The following TTC28 variants were observed in gnomAD, a reference collection of about 807,000 sequenced individuals.
TTC28 encodes the protein tetratricopeptide repeat protein 28.
Under a neutral mutation model 198.0 loss-of-function variants are expected in TTC28, and 61 were observed. That is an observed-to-expected ratio of 0.31 (90% CI 0.25 to 0.38). The LOEUF is 0.38. TTC28 is among the 10% of genes least tolerant of loss of function. The pLI, the probability that TTC28 is intolerant of heterozygous loss-of-function variation, is 1.00. For missense variants in TTC28, 2,678 were observed against 3,164.0 expected, an observed-to-expected ratio of 0.85 and a Z score of 3.69; for synonymous variants, 1,171 against 1,297.8, an observed-to-expected ratio of 0.90 and a Z score of 2.10.
chr22:28,570,004 T>C (rs773226706), intron 2 of TTC28, among the ~76,000 whole-genome samples: 1 of 152,204 alleles, frequency 6.6e-6, no homozygotes, highest in Non-Finnish European at 1.5e-5. Context: ...CACAGTGAGA[T>C]ACCATCTCAC....
chr22:28,305,698 C>T (rs938108291), intron 3 of TTC28, among the ~76,000 whole-genome samples: 11 of 152,114 alleles, frequency 7.2e-5, no homozygotes, highest in African/African-American at 2.2e-4. Context: ...TATTAGCTGT[C>T]GACTGTCTAC....
At chr22:28,342,900 G>A (rs150769172) in intron 2 of TTC28, among the ~76,000 whole-genome samples, 6 of 152,222 alleles carry the variant, frequency 3.9e-5, no homozygotes, top group African/African-American at 1.2e-4. Context: ...CACAGACCTA[G>A]ACTAAAATTT....
At position 28,107,740 on chromosome 22, in the gene TTC28, G is replaced by A; in HGVS notation, c.2105C>T (p.Ser702Phe). 1 of 1,551,920 alleles carries A rather than the reference G, an allele frequency of 6.4e-7. No homozygotes were observed. Among genetic ancestry groups the A allele is most frequent in the South Asian group, 1.2e-5 (1 of 84,058 alleles). Reference sequence around the variant, plus strand: ...GGAATTATTCAGAGACTGGGCTAGGGACAGTAGGTACTTCTGACACTCTTC... The same window carrying A: ...GGAATTATTCAGAGACTGGGCTAGGAACAGTAGGTACTTCTGACACTCTTC... ...KAEECQKYLL[S>F]LAQSLNNSQA... is the part of the protein sequence containing the mutation. The change falls in exon 7 of 23, where the codon TCC becomes TTC. Residue 702 changes from serine (S) to phenylalanine (F), a missense_variant. Ser to Phe is a radical substitution (Grantham distance 155). Around this residue, in one of 8 missense-constraint regions of TTC28, gnomAD observed 775 missense variants for 845.9 expected, o/e 0.92. Transcript: ENST00000397906.
chr22:28,600,275 C>G (rs186232440), intron 2 of TTC28, among the ~76,000 whole-genome samples: 1 of 151,872 alleles, frequency 6.6e-6, no homozygotes, highest in South Asian at 2.1e-4. Context: ...CATGGTGGCA[C>G]ACGCCTGTAG....
chr22:28,522,480 C>A (rs1171193142), intron 2 of TTC28, among the ~76,000 whole-genome samples: 1 of 148,262 alleles, frequency 6.7e-6, no homozygotes, highest in Non-Finnish European at 1.5e-5. Flanking sequence ...AAGTGCGAAA[C>A]TCCGTCTCAA....
intron 2 of TTC28, among the ~76,000 whole-genome samples, chr22:28,609,376 G>A (rs1031183219): frequency 6.6e-6 from 1 of 152,218 alleles, no homozygotes; most frequent in African/African-American, 2.4e-5. Context: ...TTCCAACTGA[G>A]GTACCTGGTT....
chr22:28,501,364 G>C (rs907024359), intron 2 of TTC28, among the ~76,000 whole-genome samples: 1 of 152,144 alleles, frequency 6.6e-6, no homozygotes, highest in African/African-American at 2.4e-5. Flanking sequence ...GAAAGCAAAT[G>C]AGTGTAAAAG....
chr22:28,414,687 G>A (rs921757883), intron 2 of TTC28, among the ~76,000 whole-genome samples: 2 of 152,178 alleles, frequency 1.3e-5, no homozygotes, highest in African/African-American at 4.8e-5. Context: ...ACAGGGCAGC[G>A]ATGTAAGACA....
At chr22:28,552,036 G>T (rs1400084993) in intron 2 of TTC28, among the ~76,000 whole-genome samples, 1 of 152,064 alleles carries the variant, frequency 6.6e-6, no homozygotes, top group African/African-American at 2.4e-5. Flanking sequence ...AAAGTTTTAG[G>T]ATACAAAATT....
intron 2 of TTC28, among the ~76,000 whole-genome samples, chr22:28,441,463 A>G (rs556907120): frequency 2.6e-5 from 4 of 152,300 alleles, no homozygotes; most frequent in African/African-American, 7.2e-5. Context: ...AATGGAATCA[A>G]TCTCACTGAA....
At chr22:28,373,895 C>T (rs1190303899) in intron 2 of TTC28, among the ~76,000 whole-genome samples, 4 of 152,174 alleles carry the variant, frequency 2.6e-5, no homozygotes, top group African/African-American at 9.7e-5. Flanking sequence ...AAAATAAGGA[C>T]TATTTTTCAG....
chr22:28,270,912 C>T (rs1932024343), intron 5 of TTC28, among the ~76,000 whole-genome samples: 1 of 152,128 alleles, frequency 6.6e-6, no homozygotes, highest in South Asian at 2.1e-4. Flanking sequence ...AATGGCTCTT[C>T]TATGGGATCC....
rs1937679029 is a variant in TTC28, at chr22:28,001,311, A to C, written c.4398+63T>G. The C allele has an allele frequency of 3.3e-6, 5 of 1,509,786 alleles. No individual in the cohort carries two copies. In the South Asian group the frequency reaches 6.2e-5, roughly 19 times the overall value. The allele number at this position is 1,509,786 out of a possible 1,614,324, so 93.5% of individuals were successfully genotyped here. A position where few individuals can be genotyped will look rare whatever the true frequency, so the allele number is the denominator to read the frequency against. On this transcript the variant is annotated intron_variant, in intron 15 of 22. Coordinates refer to ENST00000397906, the MANE Select transcript of TTC28 (RefSeq NM_001145418.2). ...TCGTAACACAGCCCAGTCCGACCAG[A>C]TAGACGGTGCCTCGTGACCCGAAAA...
intron 8 of TTC28, among the ~76,000 whole-genome samples, chr22:28,105,011 G>A (rs1942254074): frequency 6.6e-6 from 1 of 152,136 alleles, no homozygotes; most frequent in Non-Finnish European, 1.5e-5. Flanking sequence ...CTGGCGAGCA[G>A]TAGATGCTGT....
intron 2 of TTC28, among the ~76,000 whole-genome samples, chr22:28,574,745 G>T (rs181575748): frequency 9.2e-5 from 14 of 152,232 alleles, no homozygotes; most frequent in Admixed American, 7.2e-4. Flanking sequence ...ATAGCTCATT[G>T]TAATTTTGAT....
chr22:28,679,782 G>C lies in TTC28; in HGVS notation c.-59C>G. On this transcript the variant is annotated 5_prime_UTR_variant, in exon 1 of 23. Transcript: ENST00000397906. ...TAACGGTCCCGCCAGCTAGGCGCGC[G>C]CGCCGGTTCCGCGCGCCATGTTCCC... 3 of 952,754 alleles carry C rather than the reference G, an allele frequency of 3.1e-6. No homozygotes were observed. Among genetic ancestry groups the C allele is most frequent in the Non-Finnish European group, 4.0e-6 (3 of 754,684 alleles). 59.0% of individuals were successfully genotyped at this position (952,754 alleles called of 1,614,324 possible).
At chr22:28,259,469 A>G (rs1931173347) in intron 5 of TTC28, among the ~76,000 whole-genome samples, 1 of 152,092 alleles carries the variant, frequency 6.6e-6, no homozygotes, top group Non-Finnish European at 1.5e-5. Flanking sequence ...AGTACTAGAG[A>G]TAACAGAGTA....
chr22:28,287,711 G>C (rs1486969367), intron 5 of TTC28, among the ~76,000 whole-genome samples: 4 of 152,130 alleles, frequency 2.6e-5, no homozygotes, highest in Non-Finnish European at 5.9e-5. Flanking sequence ...AAGGGGTTTG[G>C]ACTTTATCCT....
chr22:28,251,030 A>G (rs1343594292), intron 5 of TTC28, among the ~76,000 whole-genome samples: 1 of 152,228 alleles, frequency 6.6e-6, no homozygotes, highest in African/African-American at 2.4e-5. Context: ...CCTTAATAAG[A>G]AATTGAACTC....
Sources: gnomAD v4.1 joint callset for allele counts (sites outside exome capture counted in the v4.1 genomes callset) on GRCh38, gnomAD v4.1.1 for gene constraint, gnomAD v4.1.1 regional missense constraint, MANE v1.5 for transcripts, NCBI Gene and HGNC (gene_info 2026-07-23, HGNC 2026-07-21) for gene names.